Variants in DSCAM observed in about 807,000 individuals in gnomAD.
DSCAM encodes the protein cell adhesion molecule DSCAM.
In DSCAM, 47 loss-of-function variants were observed where a neutral mutation model predicts 217.7. The ratio of observed to expected loss-of-function variants is 0.22; its 90% confidence interval spans 0.17 to 0.28. The LOEUF (loss-of-function observed/expected upper bound fraction) is 0.28, where lower values mean the gene tolerates loss of function less well. Ranked by LOEUF, DSCAM falls within the 10% of genes least tolerant of loss-of-function variation. The probability of loss-of-function intolerance (pLI) is 1.00; values close to 1 mark genes in which losing one functional copy is unlikely to be tolerated. For missense variants in DSCAM, 2,080 were observed against 2,618.3 expected, an observed-to-expected ratio of 0.79 and a Z score of 4.49; for synonymous variants, 1,056 against 1,015.3, an observed-to-expected ratio of 1.04 and a Z score of -0.76.
rs145145623 is a variant in DSCAM, at chr21:40,322,193, C to T, written c.1784-9834G>A. Among the ~76,000 whole-genome samples the T allele has an allele frequency of 1.5e-3, 228 of 152,250 alleles. 1 individual carries two copies. Among genetic ancestry groups the T allele is most frequent in the African/African-American group, 5.2e-3 (218 of 41,540 alleles). On this transcript the variant is annotated intron_variant, in intron 8 of 32. Transcript: ENST00000400454. The stretch of plus-strand genomic sequence containing the variant: ...GCTGCTGTTTTGGACCTTCTGCTGC[C>T]CCTCGCCCAGGACATTTGCTGCTTC...
At chr21:40,804,041 T>G (rs2091765103) in intron 1 of DSCAM, among the ~76,000 whole-genome samples, 1 of 150,010 alleles carries the variant, frequency 6.7e-6, no homozygotes, top group South Asian at 2.1e-4. Context: ...AAAAATCCTT[T>G]AAACCACCCC....
chr21:40,550,773 C>A (rs1377511214), intron 3 of DSCAM, among the ~76,000 whole-genome samples: 1 of 152,104 alleles, frequency 6.6e-6, no homozygotes, highest in Non-Finnish European at 1.5e-5. Context: ...TTCAGAGTAA[C>A]TGAGGGACTG....
intron 28 of DSCAM, among the ~76,000 whole-genome samples, chr21:40,057,565 A>G (rs2089045515): frequency 6.6e-6 from 1 of 152,180 alleles, no homozygotes; most frequent in African/African-American, 2.4e-5. Flanking sequence ...CTGCTCTATT[A>G]AATAGCGATG....
In DSCAM at chr21:40,116,125, G is replaced by T. The variant is rs573241015; in HGVS notation, c.3696+8070C>A. 3.3e-5 allele frequency among the ~76,000 whole-genome samples: 5 copies of T among 152,148 alleles called. No individual in the cohort carries two copies. The South Asian group carries it at 8.3e-4, about 25-fold the overall frequency. On this transcript the variant is annotated intron_variant, in intron 20 of 32. Coordinates refer to ENST00000400454, the MANE Select transcript of DSCAM (RefSeq NM_001389.5). ...ATGAGAACATACACACACATAGAGG[G>T]GAACAACACACAACACAACAACAAC...
intron 6 of DSCAM, among the ~76,000 whole-genome samples, chr21:40,341,578 T>G (rs1484525341): frequency 6.6e-6 from 1 of 152,220 alleles, no homozygotes; most frequent in Admixed American, 6.5e-5. Flanking sequence ...CAAAATTCCT[T>G]AAGTGCTCCT....
At chr21:40,247,367 CT>C (rs1430360801) in intron 11 of DSCAM, among the ~76,000 whole-genome samples, 1 of 152,206 alleles carries the variant, frequency 6.6e-6, no homozygotes, top group Non-Finnish European at 1.5e-5. Context: ...AGGCAAGTCC[CT>C]TCTGCCTATG....
intron 11 of DSCAM, among the ~76,000 whole-genome samples, chr21:40,192,953 ACTGGGT>A (rs2090968024): frequency 2.0e-5 from 3 of 152,190 alleles, no homozygotes. Context: ...AAGTGGAACT[ACTGGGT>A]TATATGGCAA....
intron 14 of DSCAM, 105 bp from the exon 15 acceptor site, chr21:40,179,199 A>AG: frequency 9.3e-7 from 1 of 1,074,534 alleles, no homozygotes; most frequent in South Asian, 1.7e-5. Flanking sequence ...AAAAAAAAAA[A>AG]AAAAAAAAAA....
At chr21:40,612,093 G>A (rs2089323503) in intron 3 of DSCAM, among the ~76,000 whole-genome samples, 1 of 152,206 alleles carries the variant, frequency 6.6e-6, no homozygotes, top group South Asian at 2.1e-4. Context: ...GTGAGTGCTG[G>A]ATTCTATCTG....
intron 20 of DSCAM, among the ~76,000 whole-genome samples, chr21:40,117,948 TAC>T (rs10534527): frequency 0.52 from 79,057 of 150,586 alleles, 21,052 homozygotes; most frequent in South Asian, 0.61. Flanking sequence ...CCAATACGTG[TAC>T]ACACACACAC....
chr21:40,573,531 G>T (rs932402544), intron 3 of DSCAM, among the ~76,000 whole-genome samples: 33 of 152,122 alleles, frequency 2.2e-4, no homozygotes, highest in African/African-American at 7.7e-4. Flanking sequence ...AGTGAAGGTG[G>T]TGCATAGAGG....
At chr21:40,457,256 A>T (rs1346812038) in intron 3 of DSCAM, among the ~76,000 whole-genome samples, 1 of 152,224 alleles carries the variant, frequency 6.6e-6, no homozygotes, top group Non-Finnish European at 1.5e-5. Flanking sequence ...TCACACCTGT[A>T]ACCTCAGCAC....
At chr21:40,720,131 T>C (rs2837796) in intron 1 of DSCAM, among the ~76,000 whole-genome samples, 40,633 of 152,020 alleles carry the variant, frequency 0.27, 7,061 homozygotes, top group African/African-American at 0.5. Flanking sequence ...AATTTGCAAA[T>C]TGGGTACATT....
rs140704543 is a variant in DSCAM at position 40,651,416 on chromosome 21, G to A, written c.508+41394C>T. Among the ~76,000 whole-genome samples the A allele has an allele frequency of 6.6e-3, 1,006 of 152,232 alleles. 11 individuals carry two copies. Among genetic ancestry groups the A allele is most frequent in the African/African-American group, 0.023 (937 of 41,526 alleles). ...CACATTCTTCCTTAGGCTCCTGCAG[G>A]CTTTGACATACCTTTATGAACTGCT... is the stretch of plus-strand genomic sequence containing the variant. On this transcript the variant is annotated intron_variant, in intron 3 of 32. Transcript: ENST00000400454.
chr21:40,224,437 G>A (rs1366717337), intron 11 of DSCAM, among the ~76,000 whole-genome samples: 2 of 152,124 alleles, frequency 1.3e-5, no homozygotes, highest in African/African-American at 2.4e-5. Flanking sequence ...AAACAATTAC[G>A]GTTTCCTTGC....
chr21:40,276,384 G>T (rs1006062456), intron 10 of DSCAM, 114 bp from the exon 11 acceptor site: 3 of 854,814 alleles, frequency 3.5e-6, no homozygotes, highest in Non-Finnish European at 4.9e-6. Flanking sequence ...ATCCCATAAG[G>T]CAGTCACGGG....
intron 3 of DSCAM, among the ~76,000 whole-genome samples, chr21:40,381,062 C>CAAAAAAAAAAAAAAAAAAAAAA (rs71186932): frequency 1.5e-4 from 10 of 66,218 alleles, no homozygotes; most frequent in Admixed American, 1.0e-3. Flanking sequence ...GACTCCGTCT[C>CAAAAAAAAAAAAAAAAAAAAAA]AAAAAAAAAA....
At chr21:40,072,364 T>TTA (rs2089303586) in intron 27 of DSCAM, among the ~76,000 whole-genome samples, 1 of 149,630 alleles carries the variant, frequency 6.7e-6, no homozygotes, top group African/African-American at 2.5e-5. Flanking sequence ...TTTTTTTTTT[T>TTA]GAGACAGAGT....
intron 11 of DSCAM, among the ~76,000 whole-genome samples, chr21:40,240,301 T>C (rs62223762): frequency 0.012 from 1,782 of 147,514 alleles, 21 homozygotes; most frequent in Middle Eastern, 0.025. Context: ...CTTTGTTCAG[T>C]AGGCCTTCAT....
Sources: gnomAD v4.1 joint callset for allele counts (sites outside exome capture counted in the v4.1 genomes callset) on GRCh38, gnomAD v4.1.1 for gene constraint, MANE v1.5 for transcripts, NCBI Gene and HGNC (gene_info 2026-07-23, HGNC 2026-07-21) for gene names.